The following IMMP2L variants were observed in gnomAD, a reference collection of about 807,000 sequenced individuals.
IMMP2L encodes the protein mitochondrial inner membrane protease subunit 2.
Under a neutral mutation model 19.3 loss-of-function variants are expected in IMMP2L, and 18 were observed. The ratio of observed to expected loss-of-function variants is 0.93; its 90% CI spans 0.64 to 1.38. IMMP2L has a LOEUF of 1.38. Among genes scored for constraint, IMMP2L ranks in the 40% most tolerant of loss-of-function variants. The probability of loss-of-function intolerance (pLI) is 0.00; values close to 1 mark genes in which losing one functional copy is unlikely to be tolerated. For synonymous variants in IMMP2L, 76 were observed against 73.0 expected (o/e 1.04, Z -0.21); for missense variants, 233 against 218.2 (o/e 1.07, Z -0.43).
At chr7:111,206,538 T>C (rs1441135364) in intron 3 of IMMP2L, among the ~76,000 whole-genome samples, 2 of 152,110 alleles carry the variant, frequency 1.3e-5, no homozygotes, top group African/African-American at 4.8e-5. Context: ...GCTGTACACA[T>C]TTATGGGGTA....
chr7:110,991,653 T>G (rs538337244), intron 3 of IMMP2L, among the ~76,000 whole-genome samples: 33 of 152,298 alleles, frequency 2.2e-4, no homozygotes, highest in Non-Finnish European at 3.5e-4. Flanking sequence ...ACACTACTAG[T>G]AGACTCTGCT....
At chr7:111,160,649 G>A (rs1054009754) in intron 3 of IMMP2L, among the ~76,000 whole-genome samples, 1 of 150,652 alleles carries the variant, frequency 6.6e-6, no homozygotes, top group Non-Finnish European at 1.5e-5. Flanking sequence ...TAGGAAGTTA[G>A]ACAATGAGAA....
chr7:110,772,891 A>C (rs1297039318), intron 5 of IMMP2L, among the ~76,000 whole-genome samples: 1 of 152,140 alleles, frequency 6.6e-6, no homozygotes, highest in Non-Finnish European at 1.5e-5. Context: ...ACATGCACTC[A>C]GAACTGTGCA....
intron 3 of IMMP2L, among the ~76,000 whole-genome samples, chr7:111,134,823 T>C (rs1025346768): frequency 3.3e-5 from 5 of 152,038 alleles, no homozygotes; most frequent in African/African-American, 1.2e-4. Flanking sequence ...TACCTGAATA[T>C]ACTCTAAAAA....
intron 5 of IMMP2L, among the ~76,000 whole-genome samples, chr7:110,706,693 G>T (rs1214001745): frequency 6.6e-6 from 1 of 151,888 alleles, no homozygotes; most frequent in Admixed American, 6.6e-5. Flanking sequence ...TTTTTAATGG[G>T]GTTGTTTTTG....
chr7:111,469,927 G>C (rs541676688), intron 3 of IMMP2L, among the ~76,000 whole-genome samples: 39 of 152,164 alleles, frequency 2.6e-4, no homozygotes, highest in African/African-American at 7.5e-4. Flanking sequence ...TACCATCAGA[G>C]TCAACAGGCA....
intron 3 of IMMP2L, among the ~76,000 whole-genome samples, chr7:111,355,491 T>G (rs929919211): frequency 6.6e-6 from 1 of 151,728 alleles, no homozygotes; most frequent in Non-Finnish European, 1.5e-5. Context: ...ATCCTCTTAA[T>G]TAGTAATTTC....
At chr7:111,356,689 A>AAAG (rs1397872803) in intron 3 of IMMP2L, among the ~76,000 whole-genome samples, 1 of 152,174 alleles carries the variant, frequency 6.6e-6, no homozygotes, top group East Asian at 1.9e-4. Flanking sequence ...TTAAAAAAAG[A>AAAG]AAGAATTGAC....
At chr7:110,811,965 T>C (rs1802070318) in intron 5 of IMMP2L, among the ~76,000 whole-genome samples, 1 of 152,086 alleles carries the variant, frequency 6.6e-6, no homozygotes, top group African/African-American at 2.4e-5. Flanking sequence ...GTTAGAACTT[T>C]GCTGCTACTT....
intron 5 of IMMP2L, among the ~76,000 whole-genome samples, chr7:110,716,123 C>G (rs941777088): frequency 1.3e-5 from 2 of 151,492 alleles, no homozygotes; most frequent in African/African-American, 2.4e-5. Context: ...AGATCTTTTC[C>G]CAACCCCCAA....
intron 5 of IMMP2L, among the ~76,000 whole-genome samples, chr7:110,816,929 G>C (rs142502968): frequency 0.09 from 13,696 of 152,116 alleles, 955 homozygotes; most frequent in African/African-American, 0.19. Context: ...CAATTTGCCA[G>C]ACTGCGTCTT....
At position 111,422,886 on chromosome 7, in the gene IMMP2L, T is replaced by C. The variant is rs146248622; in HGVS notation, c.239+64352A>G. Among the ~76,000 whole-genome samples, 344 of 151,924 alleles carry C rather than the reference T, an allele frequency of 2.3e-3. 10 individuals carry two copies. The highest frequency in any genetic ancestry group is 6.5e-3 in the African/African-American group (267 of 41,242). Reference sequence around the variant, plus strand: ...AGATAGCTCTTTTAATTTTGAGATATGTTTCATCAATACCTAGTTTATTGA... The same window carrying C: ...AGATAGCTCTTTTAATTTTGAGATACGTTTCATCAATACCTAGTTTATTGA... On this transcript the variant is annotated intron_variant, in intron 3 of 5. Coordinates refer to ENST00000405709, the MANE Select transcript of IMMP2L (RefSeq NM_032549.4).
intron 5 of IMMP2L, among the ~76,000 whole-genome samples, chr7:110,808,536 T>C (rs1801791520): frequency 6.6e-6 from 1 of 152,066 alleles, no homozygotes; most frequent in Non-Finnish European, 1.5e-5. Flanking sequence ...TCCAAGCAAC[T>C]GTCCAGGGCT....
intron 3 of IMMP2L, among the ~76,000 whole-genome samples, chr7:111,030,907 TATATATATATATATATATAA>T (rs1790733154): frequency 7.9e-6 from 1 of 126,992 alleles, no homozygotes; most frequent in South Asian, 2.3e-4. Flanking sequence ...TATATATATA[TATATATATATATATATATAA>T]AATATATATA....
chr7:111,241,430 G>A (rs1429855975), intron 3 of IMMP2L, among the ~76,000 whole-genome samples: 1 of 151,832 alleles, frequency 6.6e-6, no homozygotes. Context: ...CATATGCTCT[G>A]GAACTAGACA....
chr7:110,972,921 A>G (rs1820297595), intron 3 of IMMP2L, among the ~76,000 whole-genome samples: 1 of 151,972 alleles, frequency 6.6e-6, no homozygotes, highest in Non-Finnish European at 1.5e-5. Context: ...GCTGTTACTC[A>G]CTCTTCCTAT....
At chr7:111,554,429 G>A (rs1004355076) in intron 1 of IMMP2L, among the ~76,000 whole-genome samples, 1 of 151,956 alleles carries the variant, frequency 6.6e-6, no homozygotes, top group Non-Finnish European at 1.5e-5. Flanking sequence ...GGGCCATTAA[G>A]GAATATTTTA....
At chr7:110,818,731 C>G (rs1802761929) in intron 5 of IMMP2L, among the ~76,000 whole-genome samples, 1 of 151,850 alleles carries the variant, frequency 6.6e-6, no homozygotes, top group Non-Finnish European at 1.5e-5. Context: ...CAACGATAGA[C>G]TGGATTAAGA....
intron 5 of IMMP2L, among the ~76,000 whole-genome samples, chr7:110,690,434 G>A (rs1039187589): frequency 6.6e-6 from 1 of 151,958 alleles, no homozygotes; most frequent in African/African-American, 2.4e-5. Flanking sequence ...TAAAAACCTC[G>A]GTTGTTGGAA....
Sources: gnomAD v4.1 joint callset for allele counts (sites outside exome capture counted in the v4.1 genomes callset) on GRCh38, gnomAD v4.1.1 for gene constraint, MANE v1.5 for transcripts, NCBI Gene and HGNC (gene_info 2026-07-23, HGNC 2026-07-21) for gene names.